Variants in BCL2L11 observed in about 807,000 individuals in gnomAD.
BCL2L11 encodes BCL2 like 11, also known as bcl-2-like protein 11.
BCL2L11 carries 15 observed loss-of-function variants against 20.6 expected under a neutral mutation model. The ratio of observed to expected loss-of-function variants is 0.73; its 90% CI spans 0.49 to 1.12. The LOEUF is 1.12. Ranked by LOEUF, BCL2L11 falls within the 50% of genes most tolerant of loss-of-function variation. The pLI is 0.00. For synonymous variants in BCL2L11, 108 were observed against 92.8 expected (o/e 1.16, Z -0.94); for missense variants, 292 against 260.9 (o/e 1.12, Z -0.82).
At chr2:111,122,152 A>G (rs928714498) in intron 1 of BCL2L11, among the ~76,000 whole-genome samples, 1 of 151,972 alleles carries the variant, frequency 6.6e-6, no homozygotes, top group Non-Finnish European at 1.5e-5. Context: ...GAGAGAGAGG[A>G]AGTTGTTGGA....
chr2:111,146,750 C>T (rs1468537096), intron 2 of BCL2L11, among the ~76,000 whole-genome samples: 1 of 152,148 alleles, frequency 6.6e-6, no homozygotes, highest in African/African-American at 2.4e-5. Flanking sequence ...GATATTTTGT[C>T]ACTTAAGAAA....
intron 1 of BCL2L11, among the ~76,000 whole-genome samples, chr2:111,121,947 C>CA (rs1372781616): frequency 1.3e-5 from 2 of 152,220 alleles, no homozygotes; most frequent in Admixed American, 1.3e-4. Flanking sequence ...CATGCCCGAG[C>CA]ACACCCGACC....
At chr2:111,142,098 A>G (rs976555968) in intron 2 of BCL2L11, among the ~76,000 whole-genome samples, 11 of 152,226 alleles carry the variant, frequency 7.2e-5, no homozygotes, top group African/African-American at 2.2e-4. Flanking sequence ...AAGTGGGGGC[A>G]TCAGGGAGGA....
intron 2 of BCL2L11, among the ~76,000 whole-genome samples, chr2:111,126,866 G>A (rs762950318): frequency 5.9e-5 from 9 of 152,278 alleles, no homozygotes; most frequent in Non-Finnish European, 1.2e-4. Context: ...TCCTTTAGCT[G>A]CAAAGCAGTT....
intron 2 of BCL2L11, chr2:111,131,377 G>A (rs1352385276): frequency 6.6e-6 from 1 of 151,998 alleles, no homozygotes; most frequent in Admixed American, 6.5e-5. Flanking sequence ...CTTCTAAGTT[G>A]TTGAATTTAT....
intron 3 of BCL2L11, among the ~76,000 whole-genome samples, chr2:111,158,248 A>G (rs1334307082): frequency 6.6e-6 from 1 of 152,200 alleles, no homozygotes; most frequent in African/African-American, 2.4e-5. Context: ...AATGCTGTTT[A>G]GACTGCTGGG....
intron 2 of BCL2L11, among the ~76,000 whole-genome samples, chr2:111,138,802 A>T (rs1362609111): frequency 1.3e-5 from 2 of 152,078 alleles, no homozygotes; most frequent in Non-Finnish European, 2.9e-5. Flanking sequence ...ACCTGGGCGG[A>T]GCAGTGAGTC....
intron 3 of BCL2L11, among the ~76,000 whole-genome samples, chr2:111,154,625 A>T (rs1438735216): frequency 1.3e-5 from 2 of 152,238 alleles, no homozygotes. Context: ...GTGGCACAGC[A>T]GGAAGCACAT....
At chr2:111,125,698 G>T (rs1262707662) in intron 2 of BCL2L11, among the ~76,000 whole-genome samples, 1 of 151,518 alleles carries the variant, frequency 6.6e-6, no homozygotes, top group African/African-American at 2.4e-5. Context: ...ACACCTGTGA[G>T]GTGGTGGGGA....
chr2:111,133,417 T>C (rs2074302733), intron 2 of BCL2L11, among the ~76,000 whole-genome samples: 1 of 152,222 alleles, frequency 6.6e-6, no homozygotes, highest in Non-Finnish European at 1.5e-5. Context: ...TGTTTTGGTA[T>C]GTTGTGTTTT....
chr2:111,123,411 A>T (rs2071684143), intron 1 of BCL2L11: 1 of 985,460 alleles, frequency 1.0e-6, no homozygotes, highest in Non-Finnish European at 1.2e-6. Context: ...GACTTACTCG[A>T]AGAAGTCTGT....
At chr2:111,150,904 TTGTG>T (rs139665965) in intron 3 of BCL2L11, among the ~76,000 whole-genome samples, 66,587 of 151,152 alleles carry the variant, frequency 0.44, 15,146 homozygotes, top group Non-Finnish European at 0.47. Flanking sequence ...GTTTGTTTGT[TTGTG>T]TGTGTGTTTG....
At chr2:111,133,672 G>A (rs1195008776) in intron 2 of BCL2L11, among the ~76,000 whole-genome samples, 1 of 152,078 alleles carries the variant, frequency 6.6e-6, no homozygotes, top group African/African-American at 2.4e-5. Flanking sequence ...ATGCTGCTTG[G>A]GTACTTGAAA....
intron 2 of BCL2L11, chr2:111,132,190 A>G (rs2074076637): frequency 6.6e-6 from 1 of 152,182 alleles, no homozygotes; most frequent in Admixed American, 6.5e-5. Context: ...TGGAATTCCA[A>G]ATGAGGGAGA....
At chr2:111,153,634 C>A in intron 3 of BCL2L11, 1 of 930,970 alleles carries the variant, frequency 1.1e-6, no homozygotes, top group Non-Finnish European at 1.6e-6. Context: ...GTGTATCTCA[C>A]TGTGCTGCTT....
chr2:111,147,081 T>C (rs2076615708), intron 2 of BCL2L11, among the ~76,000 whole-genome samples: 1 of 152,182 alleles, frequency 6.6e-6, no homozygotes, highest in South Asian at 2.1e-4. Flanking sequence ...CATAATAACT[T>C]TTTAAAACTA....
At chr2:111,138,010 T>G (rs1400384862) in intron 2 of BCL2L11, among the ~76,000 whole-genome samples, 1 of 132,268 alleles carries the variant, frequency 7.6e-6, no homozygotes, top group Non-Finnish European at 1.6e-5. Flanking sequence ...CTTTCTTTCT[T>G]TCTTTTTTTT....
intron 2 of BCL2L11, chr2:111,142,207 C>A: frequency 2.2e-6 from 2 of 907,668 alleles, no homozygotes; most frequent in Non-Finnish European, 3.5e-6. Flanking sequence ...TGCACTTGTG[C>A]TAATGAAGAC....
chr2:111,164,099 G>GGAAA, intron 3 of BCL2L11, 34 bp from the exon 4 acceptor site: 1 of 1,274,732 alleles, frequency 7.8e-7, no homozygotes, highest in Non-Finnish European at 1.1e-6. Flanking sequence ...CCAAATTAGG[G>GGAAA]AGAAACTAAG....
Sources: allele counts gnomAD v4.1 joint callset (sites outside exome capture counted in the v4.1 genomes callset), GRCh38; gene constraint gnomAD v4.1.1; transcripts MANE v1.5; gene names NCBI Gene and HGNC (gene_info 2026-07-23, HGNC 2026-07-21).